The following GET1 variants were observed in gnomAD, a reference collection of about 807,000 sequenced individuals.
GET1 encodes the protein guided entry of tail-anchored proteins factor 1.
A neutral mutation model predicts 22.6 loss-of-function variants in GET1; 20 were observed. The ratio of observed to expected loss-of-function variants is 0.89; its 90% CI spans 0.62 to 1.29. GET1 has a LOEUF of 1.29. Among genes scored for constraint, GET1 ranks in the 50% most tolerant of loss-of-function variants. The pLI is 0.00. For synonymous variants in GET1, 92 were observed against 83.8 expected (o/e 1.10, Z -0.53); for missense variants, 209 against 219.9 (o/e 0.95, Z 0.31).
downstream of GET1, chr21:39,410,059 T>C (rs138224767): frequency 1.8e-4 from 283 of 1,611,650 alleles, no homozygotes; most frequent in Admixed American, 1.1e-3. Flanking sequence ...TTCAGTTGAT[T>C]TTTCTTTATG....
chr21:39,401,585 T>G (rs139752461), downstream of GET1, among the ~76,000 whole-genome samples: 2 of 152,150 alleles, frequency 1.3e-5, no homozygotes, highest in Non-Finnish European at 2.9e-5. Context: ...AATACATTGT[T>G]TGGTTTCTCA....
Position 39,396,990 on chromosome 21 carries a change from A to G in GET1, c.*51A>G. ...GCTAAAAAACGGATTTCCTCTTCCTAGCTTAAAATCTGATTTACACTGTTT... is the reference window on the plus strand; with the variant it reads ...GCTAAAAAACGGATTTCCTCTTCCTGGCTTAAAATCTGATTTACACTGTTT... On this transcript the variant is annotated 3_prime_UTR_variant, in exon 5 of 5. Transcript: ENST00000649170. The G allele has an allele frequency of 1.3e-6, 2 of 1,591,994 alleles. No individual in the cohort carries two copies. The highest frequency in any genetic ancestry group is 1.7e-6 in the Non-Finnish European group (2 of 1,161,888).
At chr21:39,417,256 T>G (rs573451952) in intron 1 of GET1, among the ~76,000 whole-genome samples, 4 of 152,264 alleles carry the variant, frequency 2.6e-5, no homozygotes, top group Non-Finnish European at 4.4e-5. Context: ...GCCAGGCTGG[T>G]CTTGAACTCC....
intron 1 of GET1, chr21:39,423,117 G>A (rs751413452): frequency 6.2e-7 from 1 of 1,613,970 alleles, no homozygotes; most frequent in Non-Finnish European, 8.5e-7. Context: ...GTAACTGGCT[G>A]TCAGTTTCTC....
downstream of GET1, among the ~76,000 whole-genome samples, chr21:39,409,323 A>G (rs777113779): frequency 6.6e-6 from 1 of 152,122 alleles, no homozygotes; most frequent in Non-Finnish European, 1.5e-5. This position sits in a 1 kb window ranked among gnomAD's most constrained non-coding sequence, Gnocchi z 4.2. Flanking sequence ...AAAATAAATA[A>G]GTGTTGTTTA....
chr21:39,417,087 C>T (rs921824468), intron 1 of GET1, among the ~76,000 whole-genome samples: 5 of 152,224 alleles, frequency 3.3e-5, no homozygotes, highest in African/African-American at 1.2e-4. Context: ...GGCTGGAGTG[C>T]AATGGCACGA....
intron 1 of GET1, chr21:39,422,683 A>G: frequency 2.1e-6 from 1 of 479,580 alleles, no homozygotes. Flanking sequence ...GTCCCTTAGC[A>G]CTGTAGCTGT....
intron 1 of GET1, among the ~76,000 whole-genome samples, chr21:39,384,551 C>T (rs1041930562): frequency 1.9e-4 from 28 of 145,548 alleles, no homozygotes; most frequent in Non-Finnish European, 3.6e-4. Context: ...TGAGCCACCA[C>T]ACCTGGCCGA....
At chr21:39,387,695 C>T (rs1209094851) in intron 1 of GET1, 8 of 732,072 alleles carry the variant, frequency 1.1e-5, no homozygotes, top group Admixed American at 1.3e-4. Context: ...CCACACTCCC[C>T]CCCCCCACTT....
At chr21:39,404,805 A>G (rs940780831) in intron 4 of GET1, among the ~76,000 whole-genome samples, 1 of 149,154 alleles carries the variant, frequency 6.7e-6, no homozygotes, top group Non-Finnish European at 1.5e-5. Flanking sequence ...TAATCACTAT[A>G]TATATACACA....
chr21:39,399,405 G>A (rs1430940836), downstream of GET1, among the ~76,000 whole-genome samples: 3 of 152,162 alleles, frequency 2.0e-5, no homozygotes, highest in Non-Finnish European at 4.4e-5. Flanking sequence ...GCATATATGT[G>A]TGTATAATGT....
At chr21:39,386,669 G>A (rs2037925960) in intron 1 of GET1, among the ~76,000 whole-genome samples, 1 of 152,172 alleles carries the variant, frequency 6.6e-6, no homozygotes, top group Non-Finnish European at 1.5e-5. Flanking sequence ...AGCACGGGGT[G>A]TGCACGTTGT....
At position 39,380,363 on chromosome 21, in the gene GET1, A is replaced by G. The variant is rs1472457128; in HGVS notation, c.-22A>G. The stretch of plus-strand genomic sequence containing the variant: ...CCCATGGAGCTGCCGTAGCGGACCC[A>G]GCACAGCCAGGAGCGTCCGGGATGA... On this transcript the variant is annotated 5_prime_UTR_variant, in exon 1 of 5. Transcript: ENST00000649170. The G allele has an allele frequency of 3.8e-6, 6 of 1,584,154 alleles. No individual in the cohort carries two copies. Among genetic ancestry groups the G allele is most frequent in the African/African-American group, 1.3e-5 (1 of 74,270 alleles).
intron 4 of GET1, among the ~76,000 whole-genome samples, chr21:39,394,289 A>G (rs2038499196): frequency 6.6e-6 from 1 of 152,192 alleles, no homozygotes; most frequent in Non-Finnish European, 1.5e-5. Flanking sequence ...ACGCCAGTGT[A>G]CCCCAGCCTG....
chr21:39,390,888 G>A (rs760439445), intron 2 of GET1, 25 bp downstream of exon 2: 24 of 1,612,566 alleles, frequency 1.5e-5, no homozygotes, highest in African/African-American at 5.3e-5. Flanking sequence ...GCAGCCTGGA[G>A]GCTTCATGAG....
At chr21:39,419,251 G>A (rs987496978) in intron 1 of GET1, among the ~76,000 whole-genome samples, 2 of 152,064 alleles carry the variant, frequency 1.3e-5, no homozygotes, top group African/African-American at 4.8e-5. Flanking sequence ...CAGGCTGGGT[G>A]TGGTGGCTCA....
chr21:39,394,029 G>A (rs923119766), intron 4 of GET1, among the ~76,000 whole-genome samples: 1 of 151,992 alleles, frequency 6.6e-6, no homozygotes, highest in Admixed American at 6.6e-5. Context: ...TAGAAATATA[G>A]CTATCAATTA....
At chr21:39,385,825 G>A (rs973537884) in intron 1 of GET1, among the ~76,000 whole-genome samples, 2 of 151,980 alleles carry the variant, frequency 1.3e-5, no homozygotes, top group Admixed American at 6.6e-5. Flanking sequence ...GGACTGGCAC[G>A]GGCTCAGAGT....
chr21:39,421,402 C>G (rs2073750733), intron 1 of GET1, among the ~76,000 whole-genome samples: 1 of 152,186 alleles, frequency 6.6e-6, no homozygotes. Flanking sequence ...TTTAAACATT[C>G]TGACCAGATC....
Sources: gnomAD v4.1 joint callset for allele counts (sites outside exome capture counted in the v4.1 genomes callset) on GRCh38, gnomAD v4.1.1 for gene constraint, Gnocchi (gnomAD v3.1) non-coding constraint, MANE v1.5 for transcripts, NCBI Gene and HGNC (gene_info 2026-07-23, HGNC 2026-07-21) for gene names.